The following FOXP2 variants were observed in gnomAD, a reference collection of about 807,000 sequenced individuals.
The protein encoded by FOXP2 is forkhead box P2.
Under a neutral mutation model 115.8 loss-of-function variants are expected in FOXP2, and 12 were observed. The observed-to-expected ratio is 0.10, with a 90% CI of 0.07 to 0.17. The LOEUF is 0.17. Among genes scored for constraint, FOXP2 ranks in the 10% least tolerant of loss-of-function variants. The probability of loss-of-function intolerance (pLI) is 1.00; values close to 1 mark genes in which losing one functional copy is unlikely to be tolerated. For missense variants in FOXP2, 629 were observed against 843.5 expected (o/e 0.75, Z 3.15); for synonymous variants, 328 against 297.7 (o/e 1.10, Z -1.05).
intron 1 of FOXP2, among the ~76,000 whole-genome samples, chr7:114,240,098 A>T (rs755391857): frequency 2.6e-5 from 4 of 152,086 alleles, no homozygotes; most frequent in African/African-American, 7.2e-5. Flanking sequence ...CGTGATCAAG[A>T]CTGAAATTGT....
chr7:114,677,436 T>C (rs1475787553), intron 16 of FOXP2, among the ~76,000 whole-genome samples: 1 of 152,218 alleles, frequency 6.6e-6, no homozygotes, highest in Non-Finnish European at 1.5e-5. Flanking sequence ...ACTTTATTCA[T>C]AGTACTTTTT....
At chr7:114,654,266 C>A in intron 10 of FOXP2, 1 of 773,722 alleles carries the variant, frequency 1.3e-6, no homozygotes, top group Non-Finnish European at 1.9e-6. Flanking sequence ...TGCCTTGGGG[C>A]TGAAGCCAGA....
At chr7:114,652,677 G>A (rs1488530468) in intron 9 of FOXP2, among the ~76,000 whole-genome samples, 2 of 151,978 alleles carry the variant, frequency 1.3e-5, no homozygotes, top group African/African-American at 4.8e-5. Context: ...TGTGGCAAAT[G>A]ACCAGTCTTT....
At chr7:114,455,400 A>G (rs1795272812) in intron 2 of FOXP2, among the ~76,000 whole-genome samples, 1 of 152,186 alleles carries the variant, frequency 6.6e-6, no homozygotes, top group Admixed American at 6.5e-5. Flanking sequence ...AGACAACCTT[A>G]TTGCCTCTGG....
chr7:114,274,055 T>G (rs1412524235), intron 1 of FOXP2, among the ~76,000 whole-genome samples: 1 of 152,010 alleles, frequency 6.6e-6, no homozygotes, highest in African/African-American at 2.4e-5. Flanking sequence ...TATAATTTTA[T>G]TTTTTCTTCT....
intron 2 of FOXP2, among the ~76,000 whole-genome samples, chr7:114,510,362 C>T (rs1056562977): frequency 1.3e-5 from 2 of 151,952 alleles, no homozygotes; most frequent in Admixed American, 6.6e-5. Flanking sequence ...ATGGCCATGG[C>T]ATTTATTTGG....
chr7:114,589,888 T>C (rs1285071161), intron 3 of FOXP2, among the ~76,000 whole-genome samples: 1 of 152,158 alleles, frequency 6.6e-6, no homozygotes, highest in Non-Finnish European at 1.5e-5. Context: ...GGTCCTCTGC[T>C]GGTGCCTTTT....
chr7:114,642,638 C>A lies in FOXP2; in HGVS notation c.989+15C>A, dbSNP rs1054469819. Reference sequence around the variant, plus strand: ...AGACGAGACAGGTAAATCTCATGAGCTTTATTCTATATTTATCTATTTTCA... The same window carrying A: ...AGACGAGACAGGTAAATCTCATGAGATTTATTCTATATTTATCTATTTTCA... On this transcript the variant is annotated intron_variant, in intron 7 of 16. Transcript: ENST00000350908. 4.4e-6 allele frequency: 7 copies of A among 1,598,934 alleles called. No homozygotes were observed. Among genetic ancestry groups the A allele is most frequent in the Non-Finnish European group, 6.0e-6 (7 of 1,167,090 alleles).
chr7:114,139,103 A>G (rs994449056), intron 1 of FOXP2, among the ~76,000 whole-genome samples: 7 of 152,322 alleles, frequency 4.6e-5, no homozygotes, highest in Admixed American at 2.0e-4. Flanking sequence ...AATAACAAAA[A>G]TAGCTAACAC....
chr7:114,507,694 A>T (rs540336258), intron 2 of FOXP2, among the ~76,000 whole-genome samples: 13 of 152,046 alleles, frequency 8.6e-5, no homozygotes, highest in South Asian at 6.2e-4. Context: ...TACATGCAGA[A>T]ATAAGGGGAA....
At chr7:114,334,445 T>C (rs1797790921) in intron 2 of FOXP2, among the ~76,000 whole-genome samples, 1 of 152,044 alleles carries the variant, frequency 6.6e-6, no homozygotes, top group Non-Finnish European at 1.5e-5. Flanking sequence ...GCAGGGATCA[T>C]TTATAGTGTA....
At chr7:114,475,198 AG>A (rs766539040) in intron 2 of FOXP2, among the ~76,000 whole-genome samples, 21 of 152,116 alleles carry the variant, frequency 1.4e-4, no homozygotes, top group Non-Finnish European at 2.2e-4. Flanking sequence ...ATATATTTTA[AG>A]GTGACCCCTA....
At chr7:114,601,783 T>A (rs965613267) in intron 3 of FOXP2, among the ~76,000 whole-genome samples, 1 of 152,160 alleles carries the variant, frequency 6.6e-6, no homozygotes, top group Admixed American at 6.5e-5. Flanking sequence ...TTAAGATCTC[T>A]TAAGTTATAA....
At chr7:114,219,845 T>G (rs1004542674) in intron 1 of FOXP2, among the ~76,000 whole-genome samples, 2 of 146,006 alleles carry the variant, frequency 1.4e-5, no homozygotes, top group Non-Finnish European at 1.5e-5. Context: ...TCTGTGAGGG[T>G]TTTTTTTTTG....
At chr7:114,557,372 G>A (rs887738781) in intron 3 of FOXP2, among the ~76,000 whole-genome samples, 1 of 152,030 alleles carries the variant, frequency 6.6e-6, no homozygotes, top group Non-Finnish European at 1.5e-5. Context: ...TCCTAACCAG[G>A]CATTTTCCAT....
chr7:114,494,722 T>A (rs561128617), intron 2 of FOXP2, among the ~76,000 whole-genome samples: 13 of 152,246 alleles, frequency 8.5e-5, no homozygotes, highest in Middle Eastern at 3.4e-3. Context: ...GGAATAATTT[T>A]AAAAATTGAA....
rs1175835665 is a variant in FOXP2 at position 114,414,982 on chromosome 7, G to A, written c.-389G>A. 4.7e-6 allele frequency: 2 copies of A among 428,116 alleles called. No individual in the cohort carries two copies. Among genetic ancestry groups the A allele is most frequent in the South Asian group, 3.4e-5 (2 of 58,990 alleles). 26.5% of individuals were successfully genotyped at this position (428,116 alleles called of 1,614,324 possible). On this transcript the variant is annotated 5_prime_UTR_variant, in exon 1 of 17. Coordinates refer to ENST00000350908, the MANE Select transcript of FOXP2 (RefSeq NM_014491.4). ...ACTTACTTTAGAAAGATTATGGTAA[G>A]CATGCTGGCTCAGTCTTGAACCTTT...
intron 2 of FOXP2, among the ~76,000 whole-genome samples, chr7:114,470,707 A>G (rs1472821987): frequency 6.6e-6 from 1 of 152,068 alleles, no homozygotes; most frequent in Non-Finnish European, 1.5e-5. Flanking sequence ...TAAATACTAT[A>G]CAGAATACTT....
At chr7:114,442,893 A>G (rs1480315665) in intron 2 of FOXP2, among the ~76,000 whole-genome samples, 2 of 152,188 alleles carry the variant, frequency 1.3e-5, no homozygotes, top group African/African-American at 4.8e-5. Flanking sequence ...GATAGAATTG[A>G]CACTTCTTTG....
Sources: gnomAD v4.1 joint callset for allele counts (sites outside exome capture counted in the v4.1 genomes callset) on GRCh38, gnomAD v4.1.1 for gene constraint, MANE v1.5 for transcripts, NCBI Gene and HGNC (gene_info 2026-07-23, HGNC 2026-07-21) for gene names.